Variants in LPIN2 observed in about 807,000 individuals in gnomAD.
LPIN2 encodes phosphatidate phosphatase LPIN2.
A neutral mutation model predicts 111.4 loss-of-function variants in LPIN2; 55 were observed. The ratio of observed to expected loss-of-function variants is 0.49; its 90% CI spans 0.40 to 0.62. LPIN2 has a LOEUF of 0.62. LPIN2 is among the 20% of genes least tolerant of loss of function. The probability of loss-of-function intolerance (pLI) is 0.00; values close to 1 mark genes in which losing one functional copy is unlikely to be tolerated. For missense variants in LPIN2, 992 were observed against 1,112.1 expected (o/e 0.89, Z 1.54); for synonymous variants, 425 against 414.0 (o/e 1.03, Z -0.32).
intron 1 of LPIN2, among the ~76,000 whole-genome samples, chr18:2,964,300 A>AAG (rs2077758031): frequency 6.6e-6 from 1 of 150,984 alleles, no homozygotes; most frequent in Non-Finnish European, 1.5e-5. Context: ...AAAAAAAAAA[A>AAG]AAAAAGAAAT....
chr18:2,964,496 G>C (rs1282684671), intron 1 of LPIN2, among the ~76,000 whole-genome samples: 1 of 152,084 alleles, frequency 6.6e-6, no homozygotes, highest in Non-Finnish European at 1.5e-5. Context: ...CCTTCTAAGA[G>C]GAGAAAGAGA....
At chr18:2,985,817 C>A (rs143694677) in intron 1 of LPIN2, among the ~76,000 whole-genome samples, 1 of 152,176 alleles carries the variant, frequency 6.6e-6, no homozygotes, top group Non-Finnish European at 1.5e-5. Flanking sequence ...TGTACTCCCC[C>A]CCAGTGGCCA....
chr18:3,004,333 C>CA (rs1292844350), intron 1 of LPIN2, among the ~76,000 whole-genome samples: 1 of 152,170 alleles, frequency 6.6e-6, no homozygotes, highest in Non-Finnish European at 1.5e-5. Flanking sequence ...TCGGGGTCAT[C>CA]ATTACGGTCC....
At position 3,005,547 on chromosome 18, in the gene LPIN2, C is replaced by CA. The variant is rs779801254; in HGVS notation, c.-10+7539dup. On this transcript the variant is annotated intron_variant, in intron 1 of 19. Coordinates refer to ENST00000677752, the MANE Select transcript of LPIN2 (RefSeq NM_001375808.2). ...CCAAAATTAACCGGGGATGGTGGCA[C>CA]ATGCCTGTGGTCCCAGCTACTCAGG... 3.5e-3 allele frequency among the ~76,000 whole-genome samples: 538 copies of CA among 152,206 alleles called. 1 individual carries two copies. Among genetic ancestry groups the CA allele is most frequent in the Admixed American group, 5.6e-3 (86 of 15,292 alleles).
At chr18:2,977,365 T>C (rs999802864) in intron 1 of LPIN2, among the ~76,000 whole-genome samples, 9 of 152,164 alleles carry the variant, frequency 5.9e-5, no homozygotes, top group African/African-American at 1.7e-4. Context: ...GATGTGTTTA[T>C]ACCTGAGCTA....
In LPIN2 at chr18:2,920,029, G is replaced by A. The variant is rs1012274863; in HGVS notation, c.*264C>T. The A allele has an allele frequency of 1.1e-5, 6 of 562,134 alleles. No individual in the cohort carries two copies. The highest frequency in any genetic ancestry group is 5.7e-5 in the African/African-American group (3 of 53,056). The allele number at this position is 562,134 out of a possible 1,614,324, so 34.8% of individuals were successfully genotyped here. On this transcript the variant is annotated 3_prime_UTR_variant, in exon 20 of 20. Coordinates refer to ENST00000677752, the MANE Select transcript of LPIN2 (RefSeq NM_001375808.2). ...GGAAGGAGGCCCCAGCTCACAGCAG[G>A]AAACATGTGTGCGACCCACAAAGGA... is the stretch of plus-strand genomic sequence containing the variant.
At position 2,925,138 on chromosome 18, in the gene LPIN2, G is replaced by GA; in HGVS notation, c.1938+85dup. 6.6e-7 allele frequency: 1 copy of GA among 1,519,482 alleles called. No individual in the cohort carries two copies. The highest frequency in any genetic ancestry group is 1.1e-5 in the South Asian group (1 of 88,532). The allele number at this position is 1,519,482 out of a possible 1,614,324, so 94.1% of individuals were successfully genotyped here. A position where few individuals can be genotyped will look rare whatever the true frequency, so the allele number is the denominator to read the frequency against. On this transcript the variant is annotated intron_variant, in intron 14 of 19. Transcript: ENST00000677752. This position sits in a 1 kb window ranked among gnomAD's most constrained non-coding sequence, Gnocchi z 4.1. Reference sequence around the variant, plus strand: ...GCCGTGTGGCGTGTATGCAGCTGGGGACGTGTGGACAGAAGAGGATGTGCA... The same window carrying GA: ...GCCGTGTGGCGTGTATGCAGCTGGGGAACGTGTGGACAGAAGAGGATGTGCA...
chr18:2,984,493 C>T (rs558640394), intron 1 of LPIN2, among the ~76,000 whole-genome samples: 9 of 152,074 alleles, frequency 5.9e-5, no homozygotes, highest in Non-Finnish European at 1.0e-4. Flanking sequence ...TATTGGGGTG[C>T]TGCCGGTGGA....
At chr18:2,971,490 G>C (rs1207002761) in intron 1 of LPIN2, among the ~76,000 whole-genome samples, 1 of 152,150 alleles carries the variant, frequency 6.6e-6, no homozygotes, top group African/African-American at 2.4e-5. Context: ...TCAAACTCTT[G>C]AGTTCCGGTA....
In LPIN2 at chr18:2,929,126, C is replaced by G; in HGVS notation, c.1489G>C (p.Glu497Gln). Reference sequence around the variant, plus strand: ...ATAAGTCCAGGGTTTTCTGCAAATTCGTGATAAGTAATGATATGCTCCATG... The same window carrying G: ...ATAAGTCCAGGGTTTTCTGCAAATTGGTGATAAGTAATGATATGCTCCATG... ...KFMEHIITYHEFAENPGLIDN... is the reference protein window; with the variant it reads ...KFMEHIITYHQFAENPGLIDN... Residue 497 changes from glutamate to glutamine, a missense_variant, in exon 10 of 20, where the codon GAA (glutamate) becomes CAA (glutamine). Transcript: ENST00000677752. The G allele has an allele frequency of 6.2e-7, 1 of 1,607,748 alleles. No individual in the cohort carries two copies. The highest frequency in any genetic ancestry group is 8.5e-7 in the Non-Finnish European group (1 of 1,174,602).
At chr18:2,965,701 G>T (rs2077789051) in intron 1 of LPIN2, among the ~76,000 whole-genome samples, 1 of 131,846 alleles carries the variant, frequency 7.6e-6, no homozygotes, top group Non-Finnish European at 1.5e-5. Flanking sequence ...CTGCACTCCA[G>T]CCTGGGTGAC....
At chr18:2,956,789 G>A (rs2077622919) in intron 2 of LPIN2, among the ~76,000 whole-genome samples, 1 of 152,182 alleles carries the variant, frequency 6.6e-6, no homozygotes, top group Admixed American at 6.5e-5. Flanking sequence ...TAGAGATCAA[G>A]TATGACATTT....
intron 1 of LPIN2, among the ~76,000 whole-genome samples, chr18:2,980,561 ACT>A (rs1444254631): frequency 6.6e-6 from 1 of 152,078 alleles, no homozygotes; most frequent in East Asian, 1.9e-4. Context: ...ACCTCTGACC[ACT>A]GTTTGTGTTA....
chr18:2,978,595 G>A (rs1247824895), intron 1 of LPIN2, among the ~76,000 whole-genome samples: 2 of 152,232 alleles, frequency 1.3e-5, no homozygotes, highest in African/African-American at 4.8e-5. Context: ...ACAATTCAAG[G>A]TAAGGTTGGG....
chr18:2,946,467 A>T, intron 4 of LPIN2: 1 of 1,503,564 alleles, frequency 6.7e-7, no homozygotes, highest in Non-Finnish European at 9.3e-7. Flanking sequence ...TGATATGTGC[A>T]AGCATCGTCG....
chr18:2,946,106 C>T lies in LPIN2; in HGVS notation c.590+4949G>A, dbSNP rs745586089. 5.7e-6 allele frequency: 9 copies of T among 1,569,976 alleles called. No homozygotes were observed. In the East Asian group the frequency reaches 1.6e-4, roughly 27 times the overall value. On this transcript the variant is annotated intron_variant, in intron 4 of 19. Transcript: ENST00000677752. Reference sequence around the variant, plus strand: ...CCAATCTTAATTTCATCATTGTCTTCTTTTCTTATTTTCTTCATTCCCTGA... The same window carrying T: ...CCAATCTTAATTTCATCATTGTCTTTTTTTCTTATTTTCTTCATTCCCTGA...
intron 1 of LPIN2, among the ~76,000 whole-genome samples, chr18:2,964,608 T>A (rs149607797): frequency 6.6e-6 from 1 of 151,850 alleles, no homozygotes; most frequent in Non-Finnish European, 1.5e-5. Context: ...GTGAGAATGG[T>A]AAGAAATAAA....
At position 2,987,525 on chromosome 18, in the gene LPIN2, A is replaced by G. The variant is rs2078204132; in HGVS notation, c.-10+25562T>C. Among the ~76,000 whole-genome samples, 3 of 152,142 alleles carry G rather than the reference A, an allele frequency of 2.0e-5. No individual in the cohort carries two copies. The South Asian group carries it at 6.2e-4, about 32-fold the overall frequency. ...CCTTGACTTATTTTTTTCCACGTGGACATTTCAGGTCCATCTTTGACTCCA... is the reference window on the plus strand; with the variant it reads ...CCTTGACTTATTTTTTTCCACGTGGGCATTTCAGGTCCATCTTTGACTCCA... On this transcript the variant is annotated intron_variant, in intron 1 of 19. Coordinates refer to ENST00000677752, the MANE Select transcript of LPIN2 (RefSeq NM_001375808.2).
intron 1 of LPIN2, chr18:2,990,935 C>T (rs1215447662): frequency 1.8e-6 from 1 of 558,538 alleles, no homozygotes. Flanking sequence ...GGCCCTCCTC[C>T]TGGGATGATG....
Sources: gnomAD v4.1 joint callset for allele counts (sites outside exome capture counted in the v4.1 genomes callset) on GRCh38, gnomAD v4.1.1 for gene constraint, Gnocchi (gnomAD v3.1) non-coding constraint, MANE v1.5 for transcripts, NCBI Gene and HGNC (gene_info 2026-07-23, HGNC 2026-07-21) for gene names.